FNBP1L: variants seen among roughly 807,000 people sequenced by gnomAD.
The protein encoded by FNBP1L is formin binding protein 1 like.
In FNBP1L, 36 loss-of-function variants were observed where a neutral mutation model predicts 91.2. The observed-to-expected ratio is 0.39, with a 90% confidence interval of 0.30 to 0.52. The LOEUF is 0.52. FNBP1L is among the 20% of genes least tolerant of loss of function. FNBP1L has a pLI of 0.66. For synonymous variants in FNBP1L, 242 were observed against 237.0 expected (o/e 1.02, Z -0.19); for missense variants, 571 against 732.1 (o/e 0.78, Z 2.54).
At chr1:93,471,601 A>T (rs1373725136) in intron 1 of FNBP1L, among the ~76,000 whole-genome samples, 2 of 152,156 alleles carry the variant, frequency 1.3e-5, no homozygotes, top group East Asian at 3.8e-4. Context: ...CTAAGGTGAG[A>T]GGATTGCTTG....
intron 16 of FNBP1L, 75 bp from the exon 17 acceptor site, chr1:93,552,334 T>G: frequency 6.5e-7 from 1 of 1,546,262 alleles, no homozygotes; most frequent in Non-Finnish European, 8.7e-7. Flanking sequence ...GACAGGCACT[T>G]TAAACTGAAC....
At chr1:93,472,542 G>A (rs1669327274) in intron 1 of FNBP1L, among the ~76,000 whole-genome samples, 1 of 151,834 alleles carries the variant, frequency 6.6e-6, no homozygotes, top group South Asian at 2.1e-4. Flanking sequence ...GCCGGGCGTG[G>A]TGGCTTATGC....
chr1:93,507,103 ACACACTCTCTCTCTCT>A (rs1670657935), intron 2 of FNBP1L, among the ~76,000 whole-genome samples: 8 of 52,612 alleles, frequency 1.5e-4, no homozygotes, highest in African/African-American at 3.0e-4. Context: ...ACACACACAC[ACACACTCTCTCTCTCT>A]CTCTCTCTCT....
intron 1 of FNBP1L, among the ~76,000 whole-genome samples, chr1:93,476,431 GTTA>G (rs1201811754): frequency 1.3e-5 from 2 of 152,284 alleles, no homozygotes; most frequent in East Asian, 1.9e-4. Flanking sequence ...ACTGGTGGCA[GTTA>G]TTATTATTCA....
intron 1 of FNBP1L, among the ~76,000 whole-genome samples, chr1:93,470,332 T>G (rs1341717608): frequency 6.6e-6 from 1 of 152,078 alleles, no homozygotes; most frequent in Non-Finnish European, 1.5e-5. Flanking sequence ...CTCTTTATGT[T>G]GCCCAAGCTG....
intron 11 of FNBP1L, among the ~76,000 whole-genome samples, chr1:93,543,592 A>G (rs1266388170): frequency 6.6e-6 from 1 of 152,098 alleles, no homozygotes; most frequent in East Asian, 1.9e-4. Context: ...ATTTCATTAG[A>G]TTGTCTTTGT....
At chr1:93,539,281 C>CTT (rs1671946687) in intron 10 of FNBP1L, among the ~76,000 whole-genome samples, 2 of 151,812 alleles carry the variant, frequency 1.3e-5, no homozygotes, top group Admixed American at 6.5e-5. Context: ...AAATGATTTC[C>CTT]TTTTTAGCTC....
intron 1 of FNBP1L, among the ~76,000 whole-genome samples, chr1:93,450,815 G>GT (rs1668468355): frequency 6.6e-6 from 1 of 152,098 alleles, no homozygotes; most frequent in Non-Finnish European, 1.5e-5. Flanking sequence ...TCTGTTTCTT[G>GT]TAACAATCAT....
At chr1:93,488,765 C>G (rs2101715284) in intron 1 of FNBP1L, among the ~76,000 whole-genome samples, 1 of 152,306 alleles carries the variant, frequency 6.6e-6, no homozygotes, top group Middle Eastern at 3.4e-3. Flanking sequence ...TGTAACTGCA[C>G]TAGTTCTCCA....
intron 1 of FNBP1L, among the ~76,000 whole-genome samples, chr1:93,496,069 T>G (rs1382577354): frequency 6.6e-6 from 1 of 152,208 alleles, no homozygotes; most frequent in Non-Finnish European, 1.5e-5. Flanking sequence ...AAAGTCAGTA[T>G]TCTGGCAGAA....
At chr1:93,504,269 C>T (rs1670533090) in intron 2 of FNBP1L, among the ~76,000 whole-genome samples, 2 of 152,128 alleles carry the variant, frequency 1.3e-5, no homozygotes, top group African/African-American at 4.8e-5. Flanking sequence ...GTGTCGTGTA[C>T]ATCATTGTGA....
intron 1 of FNBP1L, among the ~76,000 whole-genome samples, 172 bp from the exon 2 acceptor site, chr1:93,499,296 A>G (rs1382656149): frequency 6.6e-6 from 1 of 151,558 alleles, no homozygotes; most frequent in African/African-American, 2.4e-5. Flanking sequence ...ATTTATGCTT[A>G]GGGACGACCT....
chr1:93,537,218 A>G (rs1158680589), intron 10 of FNBP1L, among the ~76,000 whole-genome samples: 1 of 152,146 alleles, frequency 6.6e-6, no homozygotes, highest in Non-Finnish European at 1.5e-5. Flanking sequence ...CCTGTAATTT[A>G]GACTCATTTA....
intron 12 of FNBP1L, 44 bp downstream of exon 12, chr1:93,544,260 CT>C (rs1436343413): frequency 7.2e-7 from 1 of 1,387,822 alleles, no homozygotes; most frequent in Non-Finnish European, 1.0e-6. Flanking sequence ...ATTTTAGGAT[CT>C]ACTTTGAGTG....
chr1:93,464,703 T>C (rs969079122), intron 1 of FNBP1L, among the ~76,000 whole-genome samples: 8 of 152,226 alleles, frequency 5.3e-5, no homozygotes, highest in African/African-American at 1.9e-4. Flanking sequence ...TTTAAACATA[T>C]TAAACATAAT....
intron 2 of FNBP1L, among the ~76,000 whole-genome samples, chr1:93,516,052 G>A (rs1428050431): frequency 6.6e-6 from 1 of 152,090 alleles, no homozygotes; most frequent in African/African-American, 2.4e-5. Context: ...CTCAGTATAT[G>A]TAGACTCCTC....
At chr1:93,461,894 C>T (rs1387547760) in intron 1 of FNBP1L, among the ~76,000 whole-genome samples, 1 of 152,200 alleles carries the variant, frequency 6.6e-6, no homozygotes, top group East Asian at 1.9e-4. Context: ...TAAGGGATCT[C>T]ACAAAGCCCA....
At chr1:93,543,987 C>CCAAATCA in intron 11 of FNBP1L, 120 bp from the exon 12 acceptor site, 1 of 528,918 alleles carries the variant, frequency 1.9e-6, no homozygotes, top group Non-Finnish European at 2.9e-6. Flanking sequence ...TAAGGGGTTG[C>CCAAATCA]TTGAGGCAAA....
intron 1 of FNBP1L, among the ~76,000 whole-genome samples, chr1:93,449,728 A>G (rs72721010): frequency 0.067 from 10,247 of 152,194 alleles, 399 homozygotes; most frequent in South Asian, 0.12. Flanking sequence ...AATTGTTCTT[A>G]TATTGGGGAG....
Sources: allele counts gnomAD v4.1 joint callset (sites outside exome capture counted in the v4.1 genomes callset), GRCh38; gene constraint gnomAD v4.1.1; transcripts MANE v1.5; gene names NCBI Gene and HGNC (gene_info 2026-07-23, HGNC 2026-07-21).